Variants in PCDH11X observed in about 807,000 individuals in gnomAD.
PCDH11X encodes protocadherin 11 X-linked, also known as protocadherin-11 X-linked.
PCDH11X carries 18 observed loss-of-function variants against 53.3 expected under a neutral mutation model. That is an observed-to-expected ratio of 0.34 (90% CI 0.23 to 0.50). The LOEUF is 0.50. Among genes scored for constraint, PCDH11X ranks in the 20% least tolerant of loss-of-function variants. PCDH11X has a pLI of 0.98. For missense variants in PCDH11X, 570 were observed against 1,032.4 expected (o/e 0.55, Z 6.14); for synonymous variants, 279 against 393.3 (o/e 0.71, Z 3.44).
At chrX:91,912,243 C>G (rs944080629) in intron 6 of PCDH11X, among the ~76,000 whole-genome samples, 1 of 111,133 alleles carries the variant, frequency 9.0e-6, no homozygotes. Flanking sequence ...TGACTTCTTC[C>G]TTTCCATCAT....
chrX:92,536,834 T>A (rs2148732476), intron 10 of PCDH11X, among the ~76,000 whole-genome samples: 1 of 109,510 alleles, frequency 9.1e-6, no homozygotes, highest in South Asian at 4.0e-4. Context: ...AATTTTGTAT[T>A]TTTTGTAGAG....
At chrX:92,308,371 G>A (rs143020505) in intron 8 of PCDH11X, among the ~76,000 whole-genome samples, 145 of 111,190 alleles carry the variant, frequency 1.3e-3, no homozygotes, top group Non-Finnish European at 2.1e-3. Flanking sequence ...AATGATTTTC[G>A]CCAAGAGTAC....
chrX:92,310,374 T>A (rs1325357499), intron 8 of PCDH11X, among the ~76,000 whole-genome samples: 1 of 112,165 alleles, frequency 8.9e-6, no homozygotes, highest in Non-Finnish European at 1.9e-5. Flanking sequence ...TAACATCATG[T>A]TTTTTCTAAA....
At chrX:91,821,556 G>T in intron 4 of PCDH11X, among the ~76,000 whole-genome samples, 1 of 109,028 alleles carries the variant, frequency 9.2e-6, no homozygotes. Context: ...TTGTTTATCA[G>T]CTTAAGGAGA....
intron 10 of PCDH11X, among the ~76,000 whole-genome samples, chrX:92,608,314 A>C (rs1212862226): frequency 2.9e-5 from 3 of 101,787 alleles, no homozygotes; most frequent in African/African-American, 1.1e-4. Context: ...AAAATAGTGA[A>C]GATTATATGG....
At chrX:92,303,086 G>A (rs898327286) in intron 8 of PCDH11X, among the ~76,000 whole-genome samples, 2 of 108,901 alleles carry the variant, frequency 1.8e-5, no homozygotes, top group African/African-American at 6.7e-5. Flanking sequence ...AAGATGCTTA[G>A]CAGGCAGCTA....
At chrX:92,348,694 G>A (rs1303302808) in intron 8 of PCDH11X, among the ~76,000 whole-genome samples, 3 of 108,533 alleles carry the variant, frequency 2.8e-5, no homozygotes, top group East Asian at 2.9e-4. Context: ...GCACTGCCAC[G>A]CCCAGTCAAT....
intron 6 of PCDH11X, among the ~76,000 whole-genome samples, chrX:91,997,415 G>GT (rs1314869800): frequency 1.8e-5 from 2 of 111,290 alleles, no homozygotes; most frequent in East Asian, 5.6e-4. Context: ...TTTATTGAAA[G>GT]TTTTTAATGA....
chrX:92,413,975 G>A (rs760125963), intron 9 of PCDH11X, among the ~76,000 whole-genome samples: 5 of 106,432 alleles, frequency 4.7e-5, no homozygotes, highest in Admixed American at 1.0e-4. Flanking sequence ...TGCATCCTCC[G>A]TAGACTGTCC....
intron 8 of PCDH11X, among the ~76,000 whole-genome samples, chrX:92,274,263 G>A (rs747105389): frequency 9.2e-5 from 10 of 109,161 alleles, no homozygotes; most frequent in African/African-American, 3.1e-4. Context: ...GCTGAGCTTG[G>A]TGAGGTGCGT....
intron 8 of PCDH11X, among the ~76,000 whole-genome samples, chrX:92,295,739 T>G (rs1028864048): frequency 1.4e-5 from 1 of 71,550 alleles, no homozygotes; most frequent in African/African-American, 4.9e-5. Flanking sequence ...ACAGGTGTGT[T>G]TGTGTGTGTG....
chrX:92,335,229 A>G (rs1171726138), intron 8 of PCDH11X, among the ~76,000 whole-genome samples: 2 of 110,424 alleles, frequency 1.8e-5, no homozygotes, highest in East Asian at 5.7e-4. Context: ...AGCCCAAAGC[A>G]TAGAAATAAC....
intron 6 of PCDH11X, among the ~76,000 whole-genome samples, chrX:91,904,334 A>G (rs1602465364): frequency 1.8e-5 from 2 of 109,711 alleles, no homozygotes; most frequent in African/African-American, 6.6e-5. Flanking sequence ...TAAAGGCAGC[A>G]GTACGACTAC....
chrX:92,117,312 T>C (rs1385498642), intron 6 of PCDH11X, among the ~76,000 whole-genome samples: 1 of 109,348 alleles, frequency 9.1e-6, no homozygotes, highest in Non-Finnish European at 1.9e-5. Flanking sequence ...GGCGGACACC[T>C]ATAATCCCAG....
chrX:92,463,995 G>A (rs923918471), intron 9 of PCDH11X, among the ~76,000 whole-genome samples: 5 of 111,492 alleles, frequency 4.5e-5, no homozygotes, highest in African/African-American at 1.3e-4. Context: ...AAAATGTTTC[G>A]ATTCCTAAGG....
intron 7 of PCDH11X, among the ~76,000 whole-genome samples, chrX:92,257,494 G>A (rs2067619704): frequency 8.9e-6 from 1 of 111,928 alleles, no homozygotes; most frequent in Admixed American, 9.5e-5. Flanking sequence ...TCATCTGAGA[G>A]TAGGCTAGTC....
chrX:92,514,545 C>T (rs1185814764), intron 10 of PCDH11X, among the ~76,000 whole-genome samples: 1 of 106,533 alleles, frequency 9.4e-6, no homozygotes, highest in African/African-American at 3.4e-5. Flanking sequence ...GCCTGGCCAA[C>T]ATGGTGAATC....
chrX:92,493,756 C>T (rs1225488096), intron 10 of PCDH11X, among the ~76,000 whole-genome samples: 2 of 103,538 alleles, frequency 1.9e-5, no homozygotes, highest in Non-Finnish European at 3.9e-5. Context: ...AAGCAATTCT[C>T]CTGTCTCAGC....
intron 6 of PCDH11X, chrX:92,113,764 C>T (rs1602962084): frequency 4.2e-6 from 5 of 1,196,693 alleles, no homozygotes; most frequent in Admixed American, 2.2e-5. Flanking sequence ...GACAAGAATC[C>T]GAATGGGGTC....
Sources: allele counts gnomAD v4.1 joint callset (sites outside exome capture counted in the v4.1 genomes callset), GRCh38; gene constraint gnomAD v4.1.1; transcripts MANE v1.5; gene names NCBI Gene and HGNC (gene_info 2026-07-23, HGNC 2026-07-21).